The following PARP4 variants were observed in gnomAD, a reference collection of about 807,000 sequenced individuals.
PARP4 encodes poly(ADP-ribose) polymerase family member 4.
A neutral mutation model predicts 187.7 loss-of-function variants in PARP4; 120 were observed. That is an observed-to-expected ratio of 0.64 (90% confidence interval 0.55 to 0.74). PARP4 has a LOEUF of 0.74. Among genes scored for constraint, PARP4 ranks in the 30% least tolerant of loss-of-function variants. The pLI is 0.00. For missense variants in PARP4, 1,836 were observed against 2,070.5 expected (o/e 0.89, Z 2.20); for synonymous variants, 654 against 740.9 (o/e 0.88, Z 1.90).
chr13:24,486,524 T>C (rs1441590667), intron 10 of PARP4, among the ~76,000 whole-genome samples: 1 of 152,220 alleles, frequency 6.6e-6, no homozygotes, highest in Non-Finnish European at 1.5e-5. Flanking sequence ...CAGTAAAATA[T>C]AAAATTTAAA....
chr13:24,504,394 AC>A (rs1869492326), intron 1 of PARP4, among the ~76,000 whole-genome samples: 1 of 143,926 alleles, frequency 6.9e-6, no homozygotes, highest in African/African-American at 2.6e-5. Context: ...GCTCACTGCA[AC>A]CTCCGCCTCC....
intron 27 of PARP4, among the ~76,000 whole-genome samples, chr13:24,446,189 C>G (rs1871198586): frequency 6.6e-6 from 1 of 152,180 alleles, no homozygotes; most frequent in Non-Finnish European, 1.5e-5. Flanking sequence ...GAGAACCTCT[C>G]TAGCAAAATT....
intron 32 of PARP4, among the ~76,000 whole-genome samples, chr13:24,428,033 A>C (rs573534116): frequency 6.6e-6 from 1 of 152,358 alleles, no homozygotes; most frequent in South Asian, 2.1e-4. Context: ...GAAATGAAGA[A>C]GAGGATAAAA....
chr13:24,510,105 C>T (rs966976076), intron 1 of PARP4, among the ~76,000 whole-genome samples: 25 of 152,114 alleles, frequency 1.6e-4, no homozygotes, highest in African/African-American at 6.0e-4. Flanking sequence ...TTGCTCTTTA[C>T]TTTTTAAATA....
rs201225179 is a variant in PARP4, at chr13:24,452,563, A to C, written c.2857T>G (p.Phe953Val). ...CTAAGATATCGGAGTGTTTTCCAGA[A>C]GTCTGTGTTCCCCATGGTAGGTGTG... ...SATPTMGNTDFWKTLRYLSLL... is the reference protein window; with the variant it reads ...SATPTMGNTDVWKTLRYLSLL... Residue 953 changes from phenylalanine (F) to valine (V), a missense_variant, in exon 24 of 34, where the codon TTC becomes GTC. By Grantham distance (50) the Phe-to-Val change is conservative. This residue lies in a region of PARP4 where 1,147 missense variants were observed against 1,214.2 expected (regional missense o/e 0.94). Coordinates refer to ENST00000381989, the MANE Select transcript of PARP4 (RefSeq NM_006437.4). 5.6e-6 allele frequency: 9 copies of C among 1,613,976 alleles called. No homozygotes were observed. Among genetic ancestry groups the C allele is most frequent in the Admixed American group, 1.7e-5 (1 of 60,010 alleles).
At chr13:24,423,514 G>A (rs962828224) in intron 33 of PARP4, among the ~76,000 whole-genome samples, 7 of 148,654 alleles carry the variant, frequency 4.7e-5, no homozygotes, top group African/African-American at 1.8e-4. Flanking sequence ...CTGGGTGACA[G>A]AACGAGATCT....
intron 18 of PARP4, among the ~76,000 whole-genome samples, 178 bp downstream of exon 18, chr13:24,459,794 C>G (rs1170869469): frequency 6.6e-6 from 1 of 152,108 alleles, no homozygotes; most frequent in Non-Finnish European, 1.5e-5. Context: ...ATATCTGTAA[C>G]TTTTATTCTT....
At chr13:24,443,133 A>G (rs915707904) in intron 28 of PARP4, among the ~76,000 whole-genome samples, 3 of 149,758 alleles carry the variant, frequency 2.0e-5, no homozygotes, top group African/African-American at 7.4e-5. Context: ...TGGGGATGGC[A>G]TTGAGGACTA....
intron 17 of PARP4, 47 bp downstream of exon 17, chr13:24,468,977 T>G (rs147019464): frequency 8.1e-7 from 1 of 1,227,324 alleles, no homozygotes; most frequent in African/African-American, 1.5e-5. Context: ...TTGTTCTAAC[T>G]CTCTTTCCCT....
At chr13:24,481,884 A>G (rs200436663) in intron 12 of PARP4, among the ~76,000 whole-genome samples, 1 of 152,174 alleles carries the variant, frequency 6.6e-6, no homozygotes, top group East Asian at 1.9e-4. Context: ...AAAAAAATAC[A>G]TTTTGTAAGG....
chr13:24,435,429 G>A lies in PARP4; in HGVS notation c.3712C>T (p.Arg1238Ter), dbSNP rs780527103. 1.9e-5 allele frequency: 31 copies of A among 1,609,870 alleles called. No individual in the cohort carries two copies. Among genetic ancestry groups the A allele is most frequent in the Non-Finnish European group, 2.3e-5 (27 of 1,179,272 alleles). ...GAAAATGGAATTTTCCTATGTTTTC[G>A]TTTGGATAAACGTAATTCTGGCCAC... ...SEWPELRLSK[R>*]KHRKIPFSKR... Residue 1238 changes from arginine (R) to a stop codon, truncating the protein, a stop_gained, in exon 31 of 34, where the codon CGA (arginine) becomes TGA (stop). Coordinates refer to ENST00000381989, the MANE Select transcript of PARP4 (RefSeq NM_006437.4). LOFTEE classifies it high-confidence loss of function.
intron 1 of PARP4, among the ~76,000 whole-genome samples, chr13:24,508,167 C>A (rs956889708): frequency 2.1e-5 from 3 of 145,440 alleles, no homozygotes; most frequent in East Asian, 4.0e-4. Flanking sequence ...TAATCTCTGA[C>A]AATTAAAAAC....
intron 6 of PARP4, among the ~76,000 whole-genome samples, chr13:24,496,031 C>T (rs539819398): frequency 2.6e-5 from 4 of 151,976 alleles, no homozygotes; most frequent in African/African-American, 9.7e-5. Flanking sequence ...ATGTCCTGGC[C>T]TACACGATGC....
intron 17 of PARP4, among the ~76,000 whole-genome samples, chr13:24,467,988 G>A (rs1872556648): frequency 8.4e-6 from 1 of 118,766 alleles, no homozygotes; most frequent in Non-Finnish European, 1.9e-5. Flanking sequence ...GATGTCAAGA[G>A]CAATAATTTA....
intron 30 of PARP4, among the ~76,000 whole-genome samples, chr13:24,438,751 G>A (rs1375532757): frequency 6.6e-6 from 1 of 152,140 alleles, no homozygotes; most frequent in African/African-American, 2.4e-5. Flanking sequence ...TCCCTGGAGG[G>A]TCTCATTTCA....
At chr13:24,452,904 G>C (rs887999485) in intron 23 of PARP4, among the ~76,000 whole-genome samples, 1 of 151,848 alleles carries the variant, frequency 6.6e-6, no homozygotes, top group African/African-American at 2.4e-5. Context: ...GTCAGTCTCA[G>C]CTTGCTCAAT....
At chr13:24,443,839 A>G (rs1871076396) in intron 27 of PARP4, 109 bp from the exon 28 acceptor site, 1 of 738,060 alleles carries the variant, frequency 1.4e-6, no homozygotes, top group Non-Finnish European at 2.4e-6. Flanking sequence ...AGTAAAATGC[A>G]CTCCTCTTAA....
intron 3 of PARP4, among the ~76,000 whole-genome samples, chr13:24,500,696 G>A (rs1869224933): frequency 6.6e-6 from 1 of 152,218 alleles, no homozygotes; most frequent in Non-Finnish European, 1.5e-5. Flanking sequence ...ATCAGAATGA[G>A]TTCCTGAGAG....
In PARP4 at chr13:24,459,057, T is replaced by G; in HGVS notation, c.2411A>C (p.Glu804Ala). 2 of 1,600,864 alleles carry G rather than the reference T, an allele frequency of 1.2e-6. No homozygotes were observed. Among genetic ancestry groups the G allele is most frequent in the Non-Finnish European group, 1.7e-6 (2 of 1,168,640 alleles). The change falls in exon 20 of 34, where the codon GAA becomes GCA. Residue 804 changes from glutamate to alanine, a missense_variant. By Grantham distance (107) the Glu-to-Ala change is moderately radical. Coordinates refer to ENST00000381989, the MANE Select transcript of PARP4 (RefSeq NM_006437.4). Reference protein sequence around the residue: ...VIEFIFSDTHELKQKRTDCKA... With the variant: ...VIEFIFSDTHALKQKRTDCKA... ...AGATGCACTAACCTTTTGTTTCAGT[T>G]CATGTGTATCACTGAAAATGAATTC...
Sources: gnomAD v4.1 joint callset for allele counts (sites outside exome capture counted in the v4.1 genomes callset) on GRCh38, gnomAD v4.1.1 for gene constraint, gnomAD v4.1.1 regional missense constraint, MANE v1.5 for transcripts, NCBI Gene and HGNC (gene_info 2026-07-23, HGNC 2026-07-21) for gene names.